The following CNTD1 variants were observed in gnomAD, a reference collection of about 807,000 sequenced individuals.
CNTD1 encodes the protein cyclin N-terminal domain containing 1, also known as cyclin N-terminal domain-containing protein 1.
A neutral mutation model predicts 36.3 loss-of-function variants in CNTD1; 17 were observed. The ratio of observed to expected loss-of-function variants is 0.47; its 90% confidence interval spans 0.32 to 0.70. CNTD1 has a LOEUF of 0.70. CNTD1 is among the 30% of genes least tolerant of loss of function. The probability of loss-of-function intolerance (pLI) is 0.03; values close to 1 mark genes in which losing one functional copy is unlikely to be tolerated. For synonymous variants in CNTD1, 128 were observed against 153.3 expected, an observed-to-expected ratio of 0.83 and a Z score of 1.22; for missense variants, 338 against 386.1, an observed-to-expected ratio of 0.88 and a Z score of 1.04.
intron 1 of CNTD1, among the ~76,000 whole-genome samples, chr17:42,799,713 T>TTGCACTTC (rs1274500601): frequency 7.9e-6 from 1 of 125,894 alleles, no homozygotes; most frequent in Non-Finnish European, 1.6e-5. Flanking sequence ...AATCGTGCCA[T>TTGCACTTC]TGCACTTCAG....
Position 42,801,513 on chromosome 17 carries a change from ATATATATATATAT to A in CNTD1, c.170-2106_170-2094del, listed in dbSNP as rs2054789010. 4.8e-3 allele frequency among the ~76,000 whole-genome samples: 260 copies of A among 54,720 alleles called. 14 individuals carry two copies. Among genetic ancestry groups the A allele is most frequent in the East Asian group, 0.018 (36 of 2,040 alleles). The allele number at this position is 54,720 out of a possible 152,430, so 35.9% of individuals were successfully genotyped here. A position where few individuals can be genotyped will look rare whatever the true frequency, so the allele number is the denominator to read the frequency against. ...CTTGTCTCAAAAAAAAAAAAAAAATATATATATATATATATATATATATATATATATATAATAT... is the reference window on the plus strand; with the variant it reads ...CTTGTCTCAAAAAAAAAAAAAAAATAATATATATATATATATATATAATAT... On this transcript the variant is annotated intron_variant, in intron 1 of 6. Coordinates refer to ENST00000588408, the MANE Select transcript of CNTD1 (RefSeq NM_173478.3).
chr17:42,807,240 C>G (rs188669113), intron 5 of CNTD1, among the ~76,000 whole-genome samples: 75 of 152,118 alleles, frequency 4.9e-4, no homozygotes, highest in Non-Finnish European at 9.6e-4. Context: ...AGCGTGAAAC[C>G]ACGTTTCCAC....
Position 42,806,787 on chromosome 17 carries a change from A to G in CNTD1, c.694A>G (p.Ile232Val), listed in dbSNP as rs747440196. 10 of 1,614,024 alleles carry G rather than the reference A, an allele frequency of 6.2e-6. No individual in the cohort carries two copies. Among genetic ancestry groups the G allele is most frequent in the Middle Eastern group, 1.6e-4 (1 of 6,084 alleles). The change falls in exon 5 of 7, where the codon ATT becomes GTT. Residue 232 changes from isoleucine to valine, a missense_variant. By Grantham distance (29) the Ile-to-Val change is conservative. Coordinates refer to ENST00000588408, the MANE Select transcript of CNTD1 (RefSeq NM_173478.3). ...PIYESLLRAS[I>V]ENSTPSQLQG... The stretch of plus-strand genomic sequence containing the variant: ...ATATGAGAGCCTGTTGAGGGCTTCA[A>G]TTGAGAACTCCACTCCCAGTCAGCT...
At chr17:42,799,776 A>G (rs2054742932) in intron 1 of CNTD1, among the ~76,000 whole-genome samples, 2 of 147,400 alleles carry the variant, frequency 1.4e-5, no homozygotes, top group South Asian at 4.3e-4. Context: ...AAAAAAAAAA[A>G]AAAAAAAGGC....
intron 1 of CNTD1, among the ~76,000 whole-genome samples, chr17:42,800,069 T>TA (rs769118587): frequency 0.044 from 2,786 of 63,660 alleles, 117 homozygotes; most frequent in Middle Eastern, 0.13. Context: ...AGACTCTGTC[T>TA]AAAAAAAAAA....
intron 4 of CNTD1, among the ~76,000 whole-genome samples, chr17:42,806,212 A>G (rs1401714458): frequency 6.7e-6 from 1 of 149,104 alleles, no homozygotes; most frequent in Non-Finnish European, 1.5e-5. Flanking sequence ...TGAGCAACAG[A>G]GCGGACTCCT....
Position 42,811,585 on chromosome 17 carries a change from T to A in CNTD1, c.*2050T>A. ...CACCATTTATACTGTTTTGCCTCCA[T>A]TATTACTGCTGCTTCAATTCTGTTC... On this transcript the variant is annotated 3_prime_UTR_variant, in exon 7 of 7. Coordinates refer to ENST00000588408, the MANE Select transcript of CNTD1 (RefSeq NM_173478.3). 2 of 1,548,578 alleles carry A rather than the reference T, an allele frequency of 1.3e-6. No homozygotes were observed. Among genetic ancestry groups the A allele is most frequent in the Non-Finnish European group, 1.7e-6 (2 of 1,147,694 alleles).
At chr17:42,805,024 C>T (rs556106721) in intron 3 of CNTD1, among the ~76,000 whole-genome samples, 2 of 152,104 alleles carry the variant, frequency 1.3e-5, no homozygotes, top group African/African-American at 4.8e-5. Flanking sequence ...GGACAGATGC[C>T]ATCATTCATA....
rs1017434622 is a variant in CNTD1 at position 42,810,268 on chromosome 17, G to A, written c.*733G>A. On this transcript the variant is annotated 3_prime_UTR_variant, in exon 7 of 7. Transcript: ENST00000588408. ...ATTCAGTATAAGAACCAAGTGAAAA[G>A]TGTTAAATTTCAAGCATCTGATCAC... is the stretch of plus-strand genomic sequence containing the variant. The A allele has an allele frequency of 6.5e-6, 1 of 153,060 alleles. No homozygotes were observed. The highest frequency in any genetic ancestry group is 2.4e-5 in the African/African-American group (1 of 41,440). 9.5% of individuals were successfully genotyped at this position (153,060 alleles called of 1,614,324 possible).
intron 3 of CNTD1, among the ~76,000 whole-genome samples, 177 bp downstream of exon 3, chr17:42,804,573 C>T (rs111800471): frequency 1.1e-4 from 17 of 152,166 alleles, no homozygotes; most frequent in Admixed American, 4.6e-4. Context: ...TTTGGGAGGC[C>T]GAGGCAGGTG....
At chr17:42,804,432 T>C (rs1277612363) in intron 3 of CNTD1, 36 bp downstream of exon 3, 1 of 1,587,102 alleles carries the variant, frequency 6.3e-7, no homozygotes, top group Admixed American at 1.8e-5. Context: ...CACCTGAGTG[T>C]TAGGAAGAAA....
In CNTD1 at chr17:42,803,563, CA is replaced by C. The variant is rs1244509837; in HGVS notation, c.170-56del. 1.2e-5 allele frequency: 17 copies of C among 1,378,396 alleles called. No homozygotes were observed. In the East Asian group the frequency reaches 3.9e-4, roughly 32 times the overall value. The allele number at this position is 1,378,396 out of a possible 1,614,324, so 85.4% of individuals were successfully genotyped here. The stretch of plus-strand genomic sequence containing the variant: ...CGGCTTTTACACAATGCCAAGAGTT[CA>C]CAGAGTGGTTTTGGTTGCATCTTGT... On this transcript the variant is annotated intron_variant, in intron 1 of 6. Transcript: ENST00000588408.
At chr17:42,802,381 T>C (rs1024184892) in intron 1 of CNTD1, among the ~76,000 whole-genome samples, 3 of 152,168 alleles carry the variant, frequency 2.0e-5, no homozygotes, top group Admixed American at 2.0e-4. Flanking sequence ...CAAGCTCAGT[T>C]TTTTTGGCAA....
At chr17:42,801,186 C>CAA (rs1185539964) in intron 1 of CNTD1, among the ~76,000 whole-genome samples, 4 of 74,166 alleles carry the variant, frequency 5.4e-5, no homozygotes, top group African/African-American at 9.4e-5. Flanking sequence ...CTCTGTCTCC[C>CAA]AAAAAAAAAA....
At position 42,810,635 on chromosome 17, in the gene CNTD1, G is replaced by C; in HGVS notation, c.*1100G>C. 2 of 1,059,874 alleles carry C rather than the reference G, an allele frequency of 1.9e-6. No homozygotes were observed. Among genetic ancestry groups the C allele is most frequent in the East Asian group, 5.6e-5 (2 of 35,934 alleles). The allele number at this position is 1,059,874 out of a possible 1,614,324, so 65.7% of individuals were successfully genotyped here. On this transcript the variant is annotated 3_prime_UTR_variant, in exon 7 of 7. Transcript: ENST00000588408. Reference sequence around the variant, plus strand: ...ATTTTAAAATAAAGTGGCTTTTGTGGATTTTTTCTTTTTTGGTATTGTAAA... The same window carrying C: ...ATTTTAAAATAAAGTGGCTTTTGTGCATTTTTTCTTTTTTGGTATTGTAAA...
chr17:42,804,936 A>G (rs2054854165), intron 3 of CNTD1, among the ~76,000 whole-genome samples: 2 of 152,130 alleles, frequency 1.3e-5, no homozygotes, highest in Admixed American at 1.3e-4. Context: ...ACACGCACAC[A>G]CATGATCTTT....
At position 42,810,905 on chromosome 17, in the gene CNTD1, A is replaced by G; in HGVS notation, c.*1370A>G. 1 of 1,610,898 alleles carries G rather than the reference A, an allele frequency of 6.2e-7. No individual in the cohort carries two copies. The highest frequency in any genetic ancestry group is 8.5e-7 in the Non-Finnish European group (1 of 1,178,744). ...GCCGCCACTGCCTCCTGTGTCTTCA[A>G]TCTTGCCTTTCTCCACATCCATCCT... On this transcript the variant is annotated 3_prime_UTR_variant, in exon 7 of 7. Transcript: ENST00000588408.
intron 1 of CNTD1, among the ~76,000 whole-genome samples, chr17:42,802,897 A>G (rs2054819630): frequency 6.6e-6 from 1 of 152,216 alleles, no homozygotes; most frequent in African/African-American, 2.4e-5. Flanking sequence ...AGAGAAACAG[A>G]GGCAGGCTAA....
At position 42,803,628 on chromosome 17, in the gene CNTD1, T is replaced by C. The variant is rs2054829837; in HGVS notation, c.178T>C (p.Phe60Leu). 6.2e-7 allele frequency: 1 copy of C among 1,613,452 alleles called. No homozygotes were observed. Among genetic ancestry groups the C allele is most frequent in the Non-Finnish European group, 8.5e-7 (1 of 1,179,814 alleles). ...TTTTCCTGTTTTGGCAGAGTTTGTTTTTCTCCTGTCTGAACAATGGTGTCT... is the reference window on the plus strand; with the variant it reads ...TTTTCCTGTTTTGGCAGAGTTTGTTCTTCTCCTGTCTGAACAATGGTGTCT... ...FREPQIVEFV[F>L]LLSEQWCLEK... Residue 60 changes from phenylalanine (F) to leucine (L), a missense_variant, in exon 2 of 7, where the codon TTT becomes CTT. Phe to Leu is a conservative substitution (Grantham distance 22). Coordinates refer to ENST00000588408, the MANE Select transcript of CNTD1 (RefSeq NM_173478.3).
Sources: gnomAD v4.1 joint callset for allele counts (sites outside exome capture counted in the v4.1 genomes callset) on GRCh38, gnomAD v4.1.1 for gene constraint, MANE v1.5 for transcripts, NCBI Gene and HGNC (gene_info 2026-07-23, HGNC 2026-07-21) for gene names.